The following SCFD2 variants were observed in gnomAD, a reference collection of about 807,000 sequenced individuals.
SCFD2 encodes sec1 family domain containing 2.
Under a neutral mutation model 58.9 loss-of-function variants are expected in SCFD2, and 54 were observed. The observed-to-expected ratio is 0.92, with a 90% CI of 0.74 to 1.15. The LOEUF is 1.15. Among genes scored for constraint, SCFD2 ranks in the 50% most tolerant of loss-of-function variants. The probability of loss-of-function intolerance (pLI) is 0.00; values close to 1 mark genes in which losing one functional copy is unlikely to be tolerated. For missense variants in SCFD2, 805 were observed against 836.6 expected (o/e 0.96, Z 0.47); for synonymous variants, 321 against 335.9 (o/e 0.96, Z 0.49).
intron 5 of SCFD2, among the ~76,000 whole-genome samples, chr4:53,074,755 G>C (rs1299214121): frequency 1.3e-5 from 2 of 152,098 alleles, no homozygotes; most frequent in Non-Finnish European, 2.9e-5. Context: ...CTCCACAGTA[G>C]GCTTAAAATA....
intron 7 of SCFD2, among the ~76,000 whole-genome samples, chr4:52,890,744 C>T (rs191938454): frequency 2.0e-5 from 3 of 152,202 alleles, no homozygotes; most frequent in African/African-American, 7.2e-5. Context: ...TTTCCTTCCA[C>T]TATTCCATCC....
intron 4 of SCFD2, among the ~76,000 whole-genome samples, chr4:53,254,630 C>T (rs1368584730): frequency 4.0e-5 from 6 of 151,492 alleles, no homozygotes; most frequent in Admixed American, 3.9e-4. Context: ...TGAGCCACTG[C>T]ACCTGGCCGA....
intron 4 of SCFD2, among the ~76,000 whole-genome samples, chr4:53,257,874 A>T (rs569082541): frequency 2.6e-4 from 40 of 151,996 alleles, no homozygotes; most frequent in African/African-American, 6.3e-4. Context: ...TCTCTTTTTT[A>T]AAAAAAACCT....
At chr4:53,044,639 T>TC (rs397725777) in intron 5 of SCFD2, among the ~76,000 whole-genome samples, 1 of 137,346 alleles carries the variant, frequency 7.3e-6, no homozygotes, top group Non-Finnish European at 1.6e-5. Flanking sequence ...CTCCCTCCTT[T>TC]TTTCCTTTTT....
intron 5 of SCFD2, among the ~76,000 whole-genome samples, chr4:53,099,258 C>T (rs1350182938): frequency 6.6e-6 from 1 of 152,184 alleles, no homozygotes; most frequent in African/African-American, 2.4e-5. Context: ...CTACAATCTC[C>T]TTTTGTCACA....
chr4:53,017,281 C>A (rs748622635), intron 5 of SCFD2, among the ~76,000 whole-genome samples: 1 of 152,010 alleles, frequency 6.6e-6, no homozygotes, highest in Admixed American at 6.6e-5. Flanking sequence ...ATTTCTTCAC[C>A]CACTAGAAAT....
chr4:52,935,336 A>G (rs1443188317), intron 5 of SCFD2, among the ~76,000 whole-genome samples: 3 of 152,174 alleles, frequency 2.0e-5, no homozygotes, highest in African/African-American at 7.2e-5. Flanking sequence ...GTGTTTAATT[A>G]ACAACAACAA....
At chr4:53,090,022 T>C (rs980097373) in intron 5 of SCFD2, among the ~76,000 whole-genome samples, 1 of 152,172 alleles carries the variant, frequency 6.6e-6, no homozygotes, top group African/African-American at 2.4e-5. Context: ...AACTTTGCTT[T>C]GGTAATAATA....
chr4:52,931,494 GCTTA>G (rs1433397136), intron 5 of SCFD2, among the ~76,000 whole-genome samples: 3 of 152,206 alleles, frequency 2.0e-5, no homozygotes, highest in African/African-American at 7.2e-5. Context: ...GTTAATATTT[GCTTA>G]CTTCTTGTTT....
chr4:52,913,988 A>C (rs1399760397), intron 6 of SCFD2, among the ~76,000 whole-genome samples: 1 of 152,240 alleles, frequency 6.6e-6, no homozygotes, highest in Non-Finnish European at 1.5e-5. Context: ...TGCCATAGAC[A>C]CACTGTTAAG....
intron 5 of SCFD2, among the ~76,000 whole-genome samples, chr4:53,136,704 A>G (rs1430883946): frequency 6.6e-6 from 1 of 152,226 alleles, no homozygotes; most frequent in Non-Finnish European, 1.5e-5. Flanking sequence ...ATGCAAGTTT[A>G]TGGAAATCAG....
At chr4:52,907,724 G>GTT in intron 6 of SCFD2, 133 bp from the exon 7 acceptor site, 1 of 691,164 alleles carries the variant, frequency 1.4e-6, no homozygotes, top group Non-Finnish European at 2.5e-6. Flanking sequence ...GTGTGTGTGT[G>GTT]TGTGTGTGTG....
chr4:53,330,450 TAAAGA>T (rs1383635845), intron 2 of SCFD2, among the ~76,000 whole-genome samples: 1 of 151,988 alleles, frequency 6.6e-6, no homozygotes, highest in African/African-American at 2.4e-5. Context: ...TCAACATTCT[TAAAGA>T]AAAGAATTTT....
chr4:53,079,167 A>G (rs1724069083), intron 5 of SCFD2, among the ~76,000 whole-genome samples: 1 of 152,096 alleles, frequency 6.6e-6, no homozygotes, highest in South Asian at 2.1e-4. Flanking sequence ...GAGGGGAGAC[A>G]ATGGTGAGGA....
intron 5 of SCFD2, among the ~76,000 whole-genome samples, chr4:53,139,265 G>T (rs1014395135): frequency 1.3e-5 from 2 of 152,224 alleles, no homozygotes; most frequent in Non-Finnish European, 2.9e-5. Context: ...AAAGTGCCGA[G>T]ATTGCAACCT....
chr4:53,356,316 A>G (rs1031126739), intron 1 of SCFD2, among the ~76,000 whole-genome samples: 3 of 152,202 alleles, frequency 2.0e-5, no homozygotes, highest in African/African-American at 7.2e-5. Context: ...TTTCTGCCCT[A>G]TGCTATTTTA....
chr4:53,169,146 C>T (rs533831373), intron 4 of SCFD2, among the ~76,000 whole-genome samples: 3 of 152,224 alleles, frequency 2.0e-5, no homozygotes, highest in South Asian at 2.1e-4. Context: ...GAGGCTGAGG[C>T]GGGCAGATCA....
At chr4:52,989,332 A>T (rs970531974) in intron 5 of SCFD2, among the ~76,000 whole-genome samples, 2 of 152,258 alleles carry the variant, frequency 1.3e-5, no homozygotes, top group Non-Finnish European at 2.9e-5. Context: ...CCAACATGCC[A>T]CTATGGATAA....
At chr4:53,097,710 T>C (rs987249889) in intron 5 of SCFD2, among the ~76,000 whole-genome samples, 3 of 152,174 alleles carry the variant, frequency 2.0e-5, no homozygotes, top group Non-Finnish European at 2.9e-5. Flanking sequence ...ACTTTATTTC[T>C]TTCTCCTGCC....
Sources: gnomAD v4.1 joint callset for allele counts (sites outside exome capture counted in the v4.1 genomes callset) on GRCh38, gnomAD v4.1.1 for gene constraint, MANE v1.5 for transcripts, NCBI Gene and HGNC (gene_info 2026-07-23, HGNC 2026-07-21) for gene names.